Variants in LCORL observed in about 807,000 individuals in gnomAD.
The protein encoded by LCORL is ligand dependent nuclear receptor corepressor like.
Under a neutral mutation model 141.8 loss-of-function variants are expected in LCORL, and 41 were observed. The observed-to-expected ratio is 0.29, with a 90% confidence interval of 0.23 to 0.38. The LOEUF is 0.38. LCORL is among the 10% of genes least tolerant of loss of function. The probability of loss-of-function intolerance (pLI) is 1.00; values close to 1 mark genes in which losing one functional copy is unlikely to be tolerated. For missense variants in LCORL, 1,759 were observed against 2,035.0 expected (o/e 0.86, Z 2.61); for synonymous variants, 618 against 694.1 (o/e 0.89, Z 1.72).
At chr4:17,906,784 T>G (rs1309697733) in intron 5 of LCORL, among the ~76,000 whole-genome samples, 1 of 151,616 alleles carries the variant, frequency 6.6e-6, no homozygotes, top group East Asian at 1.9e-4. Flanking sequence ...CCTCCCGGGT[T>G]CAAGCAATTC....
intron 5 of LCORL, among the ~76,000 whole-genome samples, chr4:17,901,728 T>C (rs1236077680): frequency 6.6e-6 from 1 of 151,226 alleles, no homozygotes; most frequent in Non-Finnish European, 1.5e-5. Flanking sequence ...AACTTCAAAG[T>C]AAGCAAAGAA....
intron 1 of LCORL, among the ~76,000 whole-genome samples, chr4:17,993,304 G>C (rs531042107): frequency 6.6e-6 from 1 of 152,254 alleles, no homozygotes; most frequent in African/African-American, 2.4e-5. Flanking sequence ...TCGGGTTCAA[G>C]CAATTCTCCT....
At chr4:17,842,731 A>C (rs181749911) in exon 8 of LCORL, 3 of 201,152 alleles carry the variant, frequency 1.5e-5, no homozygotes, top group Non-Finnish European at 3.1e-5. Flanking sequence ...AATTCTGTCT[A>C]TAATTTGGGT....
At position 17,972,895 on chromosome 4, in the gene LCORL, T is replaced by TA; in HGVS notation, c.155-11dup. ...AAAATACTCTCAAAACCTGTGTTTT[T>TA]AGAGAGAGAAAAGTATATTAACTAC... On this transcript the variant is annotated splice_polypyrimidine_tract_variant and intron_variant, in intron 1 of 7. Transcript: ENST00000635767. The TA allele has an allele frequency of 7.4e-7, 1 of 1,353,164 alleles. No homozygotes were observed. The highest frequency in any genetic ancestry group is 9.7e-7 in the Non-Finnish European group (1 of 1,028,426). The allele number at this position is 1,353,164 out of a possible 1,614,324, so 83.8% of individuals were successfully genotyped here. A position where few individuals can be genotyped will look rare whatever the true frequency, so the allele number is the denominator to read the frequency against.
intron 4 of LCORL, among the ~76,000 whole-genome samples, chr4:17,951,154 A>G (rs1015018493): frequency 1.3e-5 from 2 of 152,204 alleles, no homozygotes; most frequent in African/African-American, 4.8e-5. Flanking sequence ...TATTTCACTC[A>G]ACCAACTCTA....
At chr4:17,882,454 T>C (rs963578070) in intron 6 of LCORL, 21 of 984,670 alleles carry the variant, frequency 2.1e-5, no homozygotes, top group Middle Eastern at 5.2e-4. Context: ...ATTTTAAAAC[T>C]GCTAGGTAAA....
At chr4:17,904,830 C>A (rs996552259) in intron 5 of LCORL, among the ~76,000 whole-genome samples, 18 of 152,072 alleles carry the variant, frequency 1.2e-4, no homozygotes, top group African/African-American at 4.3e-4. Context: ...ATCACCTTGA[C>A]TTGGTTACTC....
chr4:17,872,446 CACAA>C (rs1726462839), intron 7 of LCORL, among the ~76,000 whole-genome samples: 1 of 152,040 alleles, frequency 6.6e-6, no homozygotes, highest in South Asian at 2.1e-4. Context: ...AACAAAAAAA[CACAA>C]ACAAATCTCA....
chr4:17,962,261 A>G (rs1713968133), intron 3 of LCORL, among the ~76,000 whole-genome samples: 2 of 152,090 alleles, frequency 1.3e-5, no homozygotes, highest in South Asian at 4.1e-4. Context: ...CAGTCAAAAA[A>G]AAAAAAAAGA....
At chr4:17,902,010 A>G (rs1730961636) in intron 5 of LCORL, among the ~76,000 whole-genome samples, 1 of 151,912 alleles carries the variant, frequency 6.6e-6, no homozygotes, top group South Asian at 2.1e-4. Context: ...GGAGACCTGG[A>G]AAAAAAATAA....
At chr4:18,011,191 A>G (rs1055664290) in intron 1 of LCORL, among the ~76,000 whole-genome samples, 1 of 152,096 alleles carries the variant, frequency 6.6e-6, no homozygotes, top group Non-Finnish European at 1.5e-5. Context: ...TAGAAAGATT[A>G]TTTTGGCTTC....
intron 7 of LCORL, among the ~76,000 whole-genome samples, chr4:17,868,153 T>A (rs988173108): frequency 1.3e-5 from 2 of 152,178 alleles, no homozygotes; most frequent in Admixed American, 1.3e-4. Flanking sequence ...CAGAGGAGTA[T>A]GTATGGTTAG....
intron 1 of LCORL, among the ~76,000 whole-genome samples, chr4:18,001,295 T>C (rs967857371): frequency 1.0e-5 from 1 of 98,936 alleles, no homozygotes; most frequent in African/African-American, 5.6e-5. Flanking sequence ...TAAGTATTAA[T>C]AGATAGTCAA....
intron 4 of LCORL, among the ~76,000 whole-genome samples, chr4:17,948,194 T>C (rs779743217): frequency 4.0e-4 from 61 of 151,994 alleles, no homozygotes; most frequent in Non-Finnish European, 8.0e-4. Context: ...GTAGAATCAA[T>C]AGGATTGAGG....
At chr4:17,885,233 A>G (rs1051694957) in intron 6 of LCORL, among the ~76,000 whole-genome samples, 1 of 151,968 alleles carries the variant, frequency 6.6e-6, no homozygotes, top group Non-Finnish European at 1.5e-5. Context: ...AACATCCCAT[A>G]TTTCCACAAG....
At chr4:17,976,572 C>A (rs1717027772) in intron 1 of LCORL, among the ~76,000 whole-genome samples, 1 of 152,078 alleles carries the variant, frequency 6.6e-6, no homozygotes, top group African/African-American at 2.4e-5. Flanking sequence ...TTATATATAA[C>A]TTACTTAAAA....
At chr4:17,914,891 A>G (rs1296608605) in intron 4 of LCORL, among the ~76,000 whole-genome samples, 1 of 152,222 alleles carries the variant, frequency 6.6e-6, no homozygotes, top group Admixed American at 6.5e-5. Context: ...GCCTCCTGAT[A>G]TAACACTGCT....
At chr4:17,896,309 G>C (rs564663167) in intron 5 of LCORL, among the ~76,000 whole-genome samples, 1 of 151,824 alleles carries the variant, frequency 6.6e-6, no homozygotes, top group South Asian at 2.1e-4. Flanking sequence ...TCAAGAGGGA[G>C]TTTCGCTCTT....
exon 8 of LCORL, chr4:17,842,526 A>C (rs1366609966): frequency 1.6e-6 from 1 of 636,872 alleles, no homozygotes; most frequent in Non-Finnish European, 2.7e-6. Flanking sequence ...ATATAGTCTA[A>C]AATTCCATCA....
Sources: allele counts gnomAD v4.1 joint callset (sites outside exome capture counted in the v4.1 genomes callset), GRCh38; gene constraint gnomAD v4.1.1; transcripts MANE v1.5; gene names NCBI Gene and HGNC (gene_info 2026-07-23, HGNC 2026-07-21).